Variants in MAGI1 observed in about 807,000 individuals in gnomAD.
MAGI1 encodes membrane associated guanylate kinase, WW and PDZ domain containing 1.
A neutral mutation model predicts 139.9 loss-of-function variants in MAGI1; 58 were observed. The observed-to-expected ratio is 0.41, with a 90% CI of 0.34 to 0.52. The LOEUF is 0.52. Ranked by LOEUF, MAGI1 falls within the 20% of genes least tolerant of loss-of-function variation. MAGI1 has a pLI of 0.12. For synonymous variants in MAGI1, 812 were observed against 737.9 expected (o/e 1.10, Z -1.63); for missense variants, 1,874 against 1,901.6 (o/e 0.99, Z 0.27).
chr3:65,737,044 C>CA (rs1194112142), intron 1 of MAGI1, among the ~76,000 whole-genome samples: 1 of 151,604 alleles, frequency 6.6e-6, no homozygotes, highest in Non-Finnish European at 1.5e-5. Context: ...CTCGCTCTGT[C>CA]CCTAGGCTGG....
intron 18 of MAGI1, among the ~76,000 whole-genome samples, chr3:65,367,024 C>G: frequency 6.6e-6 from 1 of 152,122 alleles, no homozygotes; most frequent in South Asian, 2.1e-4. Context: ...CTGTATAGCC[C>G]ATCGCTGTGA....
chr3:66,004,978 G>A (rs17074263), intron 1 of MAGI1, among the ~76,000 whole-genome samples: 1 of 152,082 alleles, frequency 6.6e-6, no homozygotes, highest in Non-Finnish European at 1.5e-5. Context: ...ATTGCAGCTT[G>A]GTTCCTTCTG....
chr3:65,604,797 A>T (rs1482896939), intron 2 of MAGI1, among the ~76,000 whole-genome samples: 4 of 152,182 alleles, frequency 2.6e-5, no homozygotes, highest in Admixed American at 1.3e-4. Flanking sequence ...TCAAACAGCA[A>T]ATGGGGAATA....
chr3:65,735,356 C>CATGT, intron 1 of MAGI1, among the ~76,000 whole-genome samples: 1 of 148,182 alleles, frequency 6.7e-6, no homozygotes, highest in African/African-American at 2.5e-5. Context: ...TGTGTCTGCA[C>CATGT]GTGTGTGTGT....
chr3:65,370,193 G>A (rs565526962), intron 18 of MAGI1, among the ~76,000 whole-genome samples: 4 of 152,184 alleles, frequency 2.6e-5, no homozygotes, highest in African/African-American at 4.8e-5. Flanking sequence ...CCATGAACCC[G>A]GGAGGCAGAG....
intron 22 of MAGI1, 60 bp from the exon 23 acceptor site, chr3:65,357,192 C>G (rs1940256801): frequency 3.3e-6 from 5 of 1,522,584 alleles, no homozygotes; most frequent in Non-Finnish European, 4.4e-6. Context: ...CTCCTGTCCC[C>G]GTTCCCACCC....
chr3:65,377,846 CCT>C (rs1418786895), intron 17 of MAGI1, among the ~76,000 whole-genome samples: 3 of 152,262 alleles, frequency 2.0e-5, no homozygotes, highest in South Asian at 4.1e-4. Flanking sequence ...GTCACTGTCC[CCT>C]GTTAAACATA....
At position 65,870,887 on chromosome 3, in the gene MAGI1, AC is replaced by A. The variant is rs1161175864; in HGVS notation, c.313+167108del. Reference sequence around the variant, plus strand: ...CACTTGAGCCCAGGAGTTCAAGTCCACCCTGGGCAATAAATTGAGATGAGAC... The same window carrying A: ...CACTTGAGCCCAGGAGTTCAAGTCCACCTGGGCAATAAATTGAGATGAGAC... On this transcript the variant is annotated intron_variant, in intron 1 of 22. Transcript: ENST00000402939. Among the ~76,000 whole-genome samples the A allele has an allele frequency of 2.6e-5, 4 of 152,054 alleles. No homozygotes were observed. In the East Asian group the frequency reaches 7.8e-4, roughly 30 times the overall value.
chr3:65,970,253 C>G (rs1280311123), intron 1 of MAGI1, among the ~76,000 whole-genome samples: 1 of 152,134 alleles, frequency 6.6e-6, no homozygotes, highest in African/African-American at 2.4e-5. Context: ...AGGACAAATA[C>G]TCTATGAGTC....
At position 65,915,460 on chromosome 3, in the gene MAGI1, T is replaced by G. The variant is rs569597595; in HGVS notation, c.313+122536A>C. 2.6e-3 allele frequency among the ~76,000 whole-genome samples: 394 copies of G among 152,328 alleles called. 1 individual carries two copies. Among genetic ancestry groups the G allele is most frequent in the Non-Finnish European group, 3.9e-3 (263 of 68,026 alleles). Reference sequence around the variant, plus strand: ...GTCTTCCAGCAGATGATCTGCACACTTGCCCCTTTTTAGACACTGGCTGCT... The same window carrying G: ...GTCTTCCAGCAGATGATCTGCACACGTGCCCCTTTTTAGACACTGGCTGCT... On this transcript the variant is annotated intron_variant, in intron 1 of 22. Coordinates refer to ENST00000402939, the MANE Select transcript of MAGI1 (RefSeq NM_001033057.2).
intron 2 of MAGI1, among the ~76,000 whole-genome samples, chr3:65,583,079 TTAA>T (rs1292541608): frequency 6.6e-6 from 1 of 152,204 alleles, no homozygotes; most frequent in Non-Finnish European, 1.5e-5. Context: ...TAAAAAATTA[TTAA>T]TGAGATATTT....
chr3:65,975,582 C>T (rs2065228454), intron 1 of MAGI1, among the ~76,000 whole-genome samples: 1 of 151,994 alleles, frequency 6.6e-6, no homozygotes, highest in Non-Finnish European at 1.5e-5. Context: ...ATGGCAAAAT[C>T]CCCTCTCTAC....
intron 1 of MAGI1, among the ~76,000 whole-genome samples, chr3:65,774,554 G>A (rs990842494): frequency 2.0e-5 from 3 of 152,180 alleles, no homozygotes; most frequent in East Asian, 3.9e-4. Context: ...AATCCTGTTG[G>A]CTTGTGTCCC....
At chr3:65,442,228 G>C (rs1948392712) in intron 8 of MAGI1, among the ~76,000 whole-genome samples, 1 of 151,978 alleles carries the variant, frequency 6.6e-6, no homozygotes, top group Non-Finnish European at 1.5e-5. Context: ...TTTAAAAATG[G>C]GAAACCAGAA....
At chr3:65,554,273 C>T (rs1049948449) in intron 2 of MAGI1, among the ~76,000 whole-genome samples, 1 of 152,136 alleles carries the variant, frequency 6.6e-6, no homozygotes, top group African/African-American at 2.4e-5. Context: ...GCAAATATAA[C>T]AGTAATAATC....
At chr3:65,844,848 G>A (rs1416052712) in intron 1 of MAGI1, among the ~76,000 whole-genome samples, 1 of 152,116 alleles carries the variant, frequency 6.6e-6, no homozygotes, top group Non-Finnish European at 1.5e-5. Context: ...GGACACCCCA[G>A]GGATCCCTAA....
At chr3:65,468,044 G>T (rs1950280054) in intron 5 of MAGI1, among the ~76,000 whole-genome samples, 1 of 152,044 alleles carries the variant, frequency 6.6e-6, no homozygotes, top group South Asian at 2.1e-4. Flanking sequence ...AGTCTGACAA[G>T]GTAGGTACAA....
chr3:65,963,573 G>A (rs751475125), intron 1 of MAGI1, among the ~76,000 whole-genome samples: 7 of 151,942 alleles, frequency 4.6e-5, no homozygotes, highest in Non-Finnish European at 8.8e-5. Flanking sequence ...CCAAGATCGC[G>A]CCACTGTACT....
intron 10 of MAGI1, among the ~76,000 whole-genome samples, chr3:65,434,668 A>G (rs1947706425): frequency 6.6e-6 from 1 of 152,180 alleles, no homozygotes; most frequent in Non-Finnish European, 1.5e-5. Flanking sequence ...GGTAACCCAG[A>G]GTTATAACCA....
Sources: gnomAD v4.1 joint callset for allele counts (sites outside exome capture counted in the v4.1 genomes callset) on GRCh38, gnomAD v4.1.1 for gene constraint, MANE v1.5 for transcripts, NCBI Gene and HGNC (gene_info 2026-07-23, HGNC 2026-07-21) for gene names.